The following GABRG3 variants were observed in gnomAD, a reference collection of about 807,000 sequenced individuals.
The protein encoded by GABRG3 is gamma-aminobutyric acid receptor subunit gamma-3.
A neutral mutation model predicts 48.8 loss-of-function variants in GABRG3; 25 were observed. That is an observed-to-expected ratio of 0.51 (90% CI 0.37 to 0.72). The LOEUF is 0.72. Among genes scored for constraint, GABRG3 ranks in the 30% least tolerant of loss-of-function variants. The pLI is 0.00. For missense variants in GABRG3, 394 were observed against 577.9 expected, an observed-to-expected ratio of 0.68 and a Z score of 3.26; for synonymous variants, 227 against 217.6, an observed-to-expected ratio of 1.04 and a Z score of -0.38.
chr15:27,416,558 A>G (rs1216394466), intron 5 of GABRG3, among the ~76,000 whole-genome samples: 2 of 152,220 alleles, frequency 1.3e-5, no homozygotes, highest in Non-Finnish European at 2.9e-5. Context: ...CTGTAAGAAT[A>G]AGGTAGAGCT....
intron 3 of GABRG3, among the ~76,000 whole-genome samples, chr15:27,091,645 CT>C (rs1897187220): frequency 6.6e-6 from 1 of 152,188 alleles, no homozygotes; most frequent in Non-Finnish European, 1.5e-5. Context: ...GCTGTTTGCT[CT>C]AGATCTGTTC....
chr15:27,094,590 G>A (rs1897242728), intron 3 of GABRG3, among the ~76,000 whole-genome samples: 2 of 152,170 alleles, frequency 1.3e-5, no homozygotes, highest in Non-Finnish European at 2.9e-5. Context: ...ATAGAGGGAA[G>A]CAGTTCTGCA....
chr15:27,046,210 C>T (rs917654200), intron 3 of GABRG3, among the ~76,000 whole-genome samples: 1 of 152,184 alleles, frequency 6.6e-6, no homozygotes, highest in African/African-American at 2.4e-5. Flanking sequence ...TCTCCTGCCC[C>T]AGCCTCCCGA....
At chr15:27,091,635 G>A (rs1566932895) in intron 3 of GABRG3, among the ~76,000 whole-genome samples, 1 of 152,120 alleles carries the variant, frequency 6.6e-6, no homozygotes, top group South Asian at 2.1e-4. Context: ...ATTCAACCTC[G>A]CTGTTTGCTC....
chr15:27,194,636 AT>A (rs1169573601), intron 3 of GABRG3, among the ~76,000 whole-genome samples: 3 of 152,094 alleles, frequency 2.0e-5, no homozygotes, highest in Non-Finnish European at 2.9e-5. Context: ...TATCATTTGC[AT>A]TTTTTAAACC....
chr15:27,339,879 G>C (rs1228294432), intron 5 of GABRG3, among the ~76,000 whole-genome samples: 1 of 152,160 alleles, frequency 6.6e-6, no homozygotes, highest in African/African-American at 2.4e-5. Flanking sequence ...CCATTTAGGT[G>C]ACCCTGCGTG....
Position 26,977,035 on chromosome 15 carries a change from TTCA to T in GABRG3, c.94_96del (p.Ser32del), listed in dbSNP as rs1894963353. The T allele has an allele frequency of 1.2e-6, 2 of 1,613,698 alleles. No individual in the cohort carries two copies. Among genetic ancestry groups the T allele is most frequent in the East Asian group, 2.2e-5 (1 of 44,860 alleles). Reference sequence around the variant, plus strand: ...AGGTGGAAGAGGATGAATATGAAGATTCATCATCAAACCAAAAGTGGGTCTTGG... The same window carrying T: ...AGGTGGAAGAGGATGAATATGAAGATTCATCAAACCAAAAGTGGGTCTTGG... On this transcript the variant is annotated inframe_deletion, in exon 2 of 10. Coordinates refer to ENST00000615808, the MANE Select transcript of GABRG3 (RefSeq NM_033223.5).
At chr15:27,302,207 GTC>G (rs1197146314) in intron 3 of GABRG3, among the ~76,000 whole-genome samples, 2 of 152,056 alleles carry the variant, frequency 1.3e-5, no homozygotes, top group Admixed American at 1.3e-4. Flanking sequence ...ACATAAAAGT[GTC>G]TGATAGAATT....
intron 3 of GABRG3, among the ~76,000 whole-genome samples, chr15:27,048,317 A>T (rs1325949087): frequency 5.7e-5 from 8 of 141,140 alleles, no homozygotes; most frequent in Non-Finnish European, 1.1e-4. Flanking sequence ...GAACGTCCAG[A>T]CAGAATCTCT....
intron 3 of GABRG3, among the ~76,000 whole-genome samples, chr15:27,191,095 T>A (rs562054078): frequency 2.5e-4 from 38 of 152,302 alleles, no homozygotes; most frequent in Non-Finnish European, 4.7e-4. Context: ...GAGAGATAGT[T>A]TTGTTATAAT....
intron 5 of GABRG3, among the ~76,000 whole-genome samples, chr15:27,422,896 G>C (rs1007823263): frequency 6.6e-6 from 1 of 152,124 alleles, no homozygotes; most frequent in African/African-American, 2.4e-5. Flanking sequence ...TACAGAGCAA[G>C]AGCAACTGGG....
intron 3 of GABRG3, among the ~76,000 whole-genome samples, chr15:27,266,834 A>G (rs1456771009): frequency 2.0e-5 from 3 of 152,190 alleles, no homozygotes; most frequent in Admixed American, 2.0e-4. Context: ...GTTTGTGGCT[A>G]GTATATAGAC....
intron 3 of GABRG3, among the ~76,000 whole-genome samples, chr15:27,141,760 T>A (rs1164206042): frequency 1.3e-5 from 2 of 152,166 alleles, no homozygotes; most frequent in Non-Finnish European, 2.9e-5. Context: ...CAGGATACAG[T>A]GAATGAAGAC....
At chr15:27,388,341 T>G (rs143386526) in intron 5 of GABRG3, among the ~76,000 whole-genome samples, 50 of 9,760 alleles carry the variant, frequency 5.1e-3, no homozygotes, top group East Asian at 7.6e-3. Context: ...GAAGGAAAGG[T>G]GGGAGGGAGG....
At chr15:27,020,412 TTCTA>T (rs927416406) in intron 2 of GABRG3, among the ~76,000 whole-genome samples, 16 of 152,188 alleles carry the variant, frequency 1.1e-4, no homozygotes, top group Non-Finnish European at 5.9e-5. Context: ...TTCTGTTGTT[TTCTA>T]TCTCTTTGTT....
At chr15:27,183,052 G>A (rs62002629) in intron 3 of GABRG3, among the ~76,000 whole-genome samples, 3,568 of 152,172 alleles carry the variant, frequency 0.023, 71 homozygotes, top group Non-Finnish European at 0.036. Flanking sequence ...AGAGCCTTAG[G>A]TGGTTGTTTT....
At chr15:27,207,402 C>T (rs780029422) in intron 3 of GABRG3, among the ~76,000 whole-genome samples, 12 of 152,190 alleles carry the variant, frequency 7.9e-5, no homozygotes, top group East Asian at 3.8e-4. Context: ...CAGTGGATTC[C>T]GAACTCAAGC....
At chr15:27,137,067 C>T (rs1898021854) in intron 3 of GABRG3, among the ~76,000 whole-genome samples, 1 of 152,222 alleles carries the variant, frequency 6.6e-6, no homozygotes, top group Non-Finnish European at 1.5e-5. Flanking sequence ...TGACTCGTAC[C>T]TGCCTATAAA....
chr15:27,437,751 AG>A (rs1281213769), intron 5 of GABRG3, among the ~76,000 whole-genome samples: 1 of 152,210 alleles, frequency 6.6e-6, no homozygotes, highest in Non-Finnish European at 1.5e-5. Context: ...TTATTTTTTA[AG>A]AAGGTTTATT....
Sources: gnomAD v4.1 joint callset for allele counts (sites outside exome capture counted in the v4.1 genomes callset) on GRCh38, gnomAD v4.1.1 for gene constraint, MANE v1.5 for transcripts, NCBI Gene and HGNC (gene_info 2026-07-23, HGNC 2026-07-21) for gene names.